PSMB7: variants seen among roughly 807,000 people sequenced by gnomAD.
PSMB7 encodes the protein proteasome subunit beta type-7.
In PSMB7, 5 loss-of-function variants were observed where a neutral mutation model predicts 28.1. That is an observed-to-expected ratio of 0.18 (90% confidence interval 0.09 to 0.37). PSMB7 has a LOEUF of 0.37. Among genes scored for constraint, PSMB7 ranks in the 10% least tolerant of loss-of-function variants. The pLI, the probability that PSMB7 is intolerant of heterozygous loss-of-function variation, is 1.00. For missense variants in PSMB7, 275 were observed against 346.2 expected, an observed-to-expected ratio of 0.79 and a Z score of 1.63; for synonymous variants, 122 against 123.7, an observed-to-expected ratio of 0.99 and a Z score of 0.09.
chr9:124,412,544 A>G (rs773612287), intron 3 of PSMB7, 52 bp from the exon 4 acceptor site: 9 of 1,591,974 alleles, frequency 5.7e-6, no homozygotes, highest in South Asian at 1.1e-5. Context: ...AGAGGGCTCA[A>G]TTAGAAGTAA....
At chr9:124,392,590 A>G (rs1349267338) in intron 5 of PSMB7, among the ~76,000 whole-genome samples, 3 of 152,198 alleles carry the variant, frequency 2.0e-5, no homozygotes, top group African/African-American at 4.8e-5. Flanking sequence ...TGGGGACACT[A>G]AAAGTTCAAG....
chr9:124,369,017 C>T (rs2131149372), intron 6 of PSMB7, among the ~76,000 whole-genome samples: 1 of 152,296 alleles, frequency 6.6e-6, no homozygotes, highest in Middle Eastern at 3.4e-3. Flanking sequence ...GTCAAGGAAC[C>T]AAAGTTAATG....
intron 6 of PSMB7, among the ~76,000 whole-genome samples, chr9:124,357,289 G>A (rs1830418935): frequency 6.6e-6 from 1 of 152,118 alleles, no homozygotes; most frequent in Admixed American, 6.5e-5. Context: ...GCACAAAACA[G>A]CCACACACAA....
intron 5 of PSMB7, chr9:124,396,928 C>A (rs1830849334): frequency 5.0e-6 from 2 of 402,074 alleles, no homozygotes; most frequent in African/African-American, 2.1e-5. Flanking sequence ...AACTAAAATG[C>A]TTTCCCTTTC....
At chr9:124,407,179 TA>T (rs1278825853) in intron 4 of PSMB7, among the ~76,000 whole-genome samples, 1 of 152,176 alleles carries the variant, frequency 6.6e-6, no homozygotes, top group African/African-American at 2.4e-5. Flanking sequence ...ATCATTAAAA[TA>T]CAAATAAATT....
intron 5 of PSMB7, among the ~76,000 whole-genome samples, chr9:124,404,199 T>C (rs566124352): frequency 3.1e-4 from 47 of 152,124 alleles, no homozygotes; most frequent in Non-Finnish European, 6.0e-4. Context: ...CTGATCTTTC[T>C]ATTTAACACT....
chr9:124,387,544 A>G (rs1172897646), intron 5 of PSMB7, among the ~76,000 whole-genome samples: 1 of 152,188 alleles, frequency 6.6e-6, no homozygotes, highest in Non-Finnish European at 1.5e-5. Flanking sequence ...GAGCTTCCCA[A>G]CCTGATTCTG....
chr9:124,402,572 G>A (rs1182032393), intron 5 of PSMB7, among the ~76,000 whole-genome samples: 1 of 133,244 alleles, frequency 7.5e-6, no homozygotes, highest in East Asian at 2.0e-4. Flanking sequence ...AACAATGATA[G>A]GAATAACAAT....
At chr9:124,399,892 TG>T (rs1830882148) in intron 5 of PSMB7, among the ~76,000 whole-genome samples, 2 of 152,194 alleles carry the variant, frequency 1.3e-5, no homozygotes, top group South Asian at 4.1e-4. Flanking sequence ...AGCTGTCAGC[TG>T]CTCCTTCTAA....
Position 124,353,504 on chromosome 9 carries a change from G to A in PSMB7, c.*94C>T, listed in dbSNP as rs1233137108. ...TGGTTTTTGTTTTTTATTGAGTTGA[G>A]TTTCATTCGGCAAACACTAGCCACA... On this transcript the variant is annotated 3_prime_UTR_variant, in exon 8 of 8. Transcript: ENST00000259457. 9.2e-6 allele frequency: 9 copies of A among 982,716 alleles called. No individual in the cohort carries two copies. Among genetic ancestry groups the A allele is most frequent in the African/African-American group, 1.6e-5 (1 of 61,540 alleles). 60.9% of individuals were successfully genotyped at this position (982,716 alleles called of 1,614,324 possible).
At chr9:124,370,847 C>A (rs1232136804) in intron 6 of PSMB7, among the ~76,000 whole-genome samples, 1 of 152,160 alleles carries the variant, frequency 6.6e-6, no homozygotes, top group African/African-American at 2.4e-5. Context: ...TACACAGGTA[C>A]TACATTTAAA....
At chr9:124,386,146 TAAA>T (rs200787837) in intron 5 of PSMB7, among the ~76,000 whole-genome samples, 1 of 123,240 alleles carries the variant, frequency 8.1e-6, no homozygotes. Flanking sequence ...TTTTTCTCCT[TAAA>T]AAAAAAAAAA....
intron 5 of PSMB7, among the ~76,000 whole-genome samples, chr9:124,387,499 ACACT>A (rs991034157): frequency 2.7e-5 from 4 of 149,974 alleles, no homozygotes; most frequent in Non-Finnish European, 4.4e-5. Flanking sequence ...ACACACACAC[ACACT>A]CTCTCTCTCG....
chr9:124,408,681 G>A (rs1248501757), intron 4 of PSMB7, among the ~76,000 whole-genome samples: 1 of 151,958 alleles, frequency 6.6e-6, no homozygotes, highest in Admixed American at 6.6e-5. Context: ...CTACTGACAG[G>A]AACAATATTT....
rs762668459 is a variant in PSMB7 at position 124,356,130 on chromosome 9, G to A, written c.722+634C>T. On this transcript the variant is annotated intron_variant, in intron 7 of 7. Coordinates refer to ENST00000259457, the MANE Select transcript of PSMB7 (RefSeq NM_002799.4). This position sits in a 1 kb window ranked among gnomAD's most constrained non-coding sequence, Gnocchi z 4.4. ...GATGGTCAAGCAGCCGGACAATCAC[G>A]AGACACTGCAAACGAGCTGCTCCTC... Among the ~76,000 whole-genome samples, 42 of 152,244 alleles carry A rather than the reference G, an allele frequency of 2.8e-4. No homozygotes were observed. The highest frequency in any genetic ancestry group is 4.9e-4 in the Non-Finnish European group (33 of 68,024).
chr9:124,353,754 G>C (rs1340963614), intron 7 of PSMB7, 45 bp from the exon 8 acceptor site: 4 of 1,377,044 alleles, frequency 2.9e-6, no homozygotes, highest in Non-Finnish European at 4.1e-6. Flanking sequence ...TTCTCCTCAA[G>C]GTGCCAGAGG....
rs191312802 is a variant in PSMB7, at chr9:124,406,151, T to A, written c.396-719A>T. On this transcript the variant is annotated intron_variant, in intron 4 of 7. Transcript: ENST00000259457. The stretch of plus-strand genomic sequence containing the variant: ...CTCTGTGATCAGCACATAAGCTACC[T>A]CCACAGTTAACAATGAGGAGGTGCT... Among the ~76,000 whole-genome samples the A allele has an allele frequency of 2.0e-4, 31 of 152,228 alleles. No homozygotes were observed. In the East Asian group the frequency reaches 5.6e-3, roughly 28 times the overall value.
chr9:124,393,677 ATTTTTCTTATAATTGCAACTG>A (rs1242108959), intron 5 of PSMB7, among the ~76,000 whole-genome samples: 2 of 152,202 alleles, frequency 1.3e-5, no homozygotes. Context: ...GGGAAAAGGG[ATTTTTCTTATAATTGCAACTG>A]CAACATCTCA....
intron 5 of PSMB7, among the ~76,000 whole-genome samples, chr9:124,387,950 G>C (rs1830743289): frequency 6.6e-6 from 1 of 151,082 alleles, no homozygotes; most frequent in Non-Finnish European, 1.5e-5. Flanking sequence ...TTTCATTCAA[G>C]TTTCCTAGAT....
Sources: allele counts gnomAD v4.1 joint callset (sites outside exome capture counted in the v4.1 genomes callset), GRCh38; gene constraint gnomAD v4.1.1; non-coding constraint Gnocchi (gnomAD v3.1); transcripts MANE v1.5; gene names NCBI Gene and HGNC (gene_info 2026-07-23, HGNC 2026-07-21).